The following CPLANE1 variants were observed in gnomAD, a reference collection of about 807,000 sequenced individuals.
The protein encoded by CPLANE1 is ciliogenesis and planar polarity effector complex subunit 1.
A neutral mutation model predicts 362.5 loss-of-function variants in CPLANE1; 263 were observed. That is an observed-to-expected ratio of 0.73 (90% CI 0.66 to 0.80). The LOEUF (loss-of-function observed/expected upper bound fraction) is 0.80, where lower values mean the gene tolerates loss of function less well. CPLANE1 is among the 30% of genes least tolerant of loss of function. CPLANE1 has a pLI of 0.00. For missense variants in CPLANE1, 3,461 were observed against 3,793.4 expected, an observed-to-expected ratio of 0.91 and a Z score of 2.30; for synonymous variants, 1,212 against 1,302.6, an observed-to-expected ratio of 0.93 and a Z score of 1.50.
intron 34 of CPLANE1, among the ~76,000 whole-genome samples, chr5:37,168,380 T>A (rs1405924667): frequency 2.6e-5 from 4 of 152,220 alleles, no homozygotes; most frequent in Non-Finnish European, 4.4e-5. Flanking sequence ...TTTTTGAGTG[T>A]TTAAATCTGA....
At chr5:37,172,939 G>A (rs555738963) in intron 32 of CPLANE1, among the ~76,000 whole-genome samples, 76 of 152,228 alleles carry the variant, frequency 5.0e-4, no homozygotes, top group African/African-American at 1.7e-3. Context: ...AGCCGAGATC[G>A]CGCCACTGCA....
At chr5:37,154,553 A>C (rs1185889975) in intron 41 of CPLANE1, among the ~76,000 whole-genome samples, 2 of 143,858 alleles carry the variant, frequency 1.4e-5, no homozygotes, top group African/African-American at 2.6e-5. Context: ...CTCCCACCTC[A>C]GTCTCCCAAA....
rs1470747645 is a variant in CPLANE1, at chr5:37,111,339, TG to T, written c.9401-2869del. ...CGGGGTTTCACGGTGTTAGCCAGGA[TG>T]GTCTTGATCTCCTGACCTCATGATC... is the stretch of plus-strand genomic sequence containing the variant. On this transcript the variant is annotated intron_variant, in intron 51 of 52. Transcript: ENST00000651892. Among the ~76,000 whole-genome samples the T allele has an allele frequency of 4.6e-5, 7 of 151,724 alleles. No individual in the cohort carries two copies. The East Asian group carries it at 1.4e-3, about 29-fold the overall frequency.
chr5:37,099,269 C>T, the CPLANE1 span, among the ~76,000 whole-genome samples: 1 of 152,156 alleles, frequency 6.6e-6, no homozygotes, highest in African/African-American at 2.4e-5. Flanking sequence ...GTTATTCTTC[C>T]TGATGCTTTC....
Position 37,195,857 on chromosome 5 carries a change from C to T in CPLANE1, c.3811+1G>A. 2 of 1,604,604 alleles carry T rather than the reference C, an allele frequency of 1.2e-6. No homozygotes were observed. The highest frequency in any genetic ancestry group is 1.7e-6 in the Non-Finnish European group (2 of 1,177,292). On this transcript the variant is annotated splice_donor_variant, in intron 21 of 52. Coordinates refer to ENST00000651892, the MANE Select transcript of CPLANE1 (RefSeq NM_001384732.1). LOFTEE classifies it high-confidence loss of function. ...AAGCAAGCAGTTCATTTTGGACAAA[C>T]CTATTGCTCTAATGGAAACTTCATC... is the stretch of plus-strand genomic sequence containing the variant.
intron 28 of CPLANE1, 30 bp downstream of exon 28, chr5:37,179,987 C>A (rs1554081328): frequency 1.4e-6 from 2 of 1,478,562 alleles, no homozygotes; most frequent in South Asian, 2.8e-5. Flanking sequence ...TTAATAAAGC[C>A]AAAAAAATAG....
intron 16 of CPLANE1, chr5:37,211,284 G>C: frequency 6.6e-7 from 1 of 1,510,366 alleles, no homozygotes; most frequent in Middle Eastern, 1.9e-4. Context: ...GCTTCAGCAA[G>C]AGGCGGAACG....
At chr5:37,091,955 T>A in the CPLANE1 span, among the ~76,000 whole-genome samples, 1 of 152,290 alleles carries the variant, frequency 6.6e-6, no homozygotes, top group Admixed American at 6.5e-5. Context: ...GGAGGCTGAA[T>A]GAATTCTGCT....
chr5:37,085,778 C>T, the CPLANE1 span: 735 of 1,444,776 alleles, frequency 5.1e-4, no homozygotes, highest in Non-Finnish European at 5.3e-4. Context: ...TTCTCTTCCC[C>T]GAGGAAAGGG....
chr5:37,119,559 A>G (rs959826951), intron 50 of CPLANE1, among the ~76,000 whole-genome samples: 4 of 152,162 alleles, frequency 2.6e-5, no homozygotes, highest in African/African-American at 9.7e-5. Context: ...AATCCCAGCT[A>G]TTTGGGAGGC....
At chr5:37,196,729 A>T (rs2151380304) in intron 20 of CPLANE1, among the ~76,000 whole-genome samples, 1 of 152,304 alleles carries the variant, frequency 6.6e-6, no homozygotes, top group Non-Finnish European at 1.5e-5. Context: ...GTTTGAGCCC[A>T]GCCCGGCCAA....
At chr5:37,222,334 T>C (rs1795536502) in intron 14 of CPLANE1, among the ~76,000 whole-genome samples, 1 of 152,222 alleles carries the variant, frequency 6.6e-6, no homozygotes, top group African/African-American at 2.4e-5. Context: ...TTGTCCTATT[T>C]GCTGCCTAGA....
At chr5:37,100,314 A>C in the CPLANE1 span, among the ~76,000 whole-genome samples, 1 of 152,102 alleles carries the variant, frequency 6.6e-6, no homozygotes, top group South Asian at 2.1e-4. Context: ...TCCAGTTTCA[A>C]CTTTCTGCAT....
chr5:37,189,999 C>CAA (rs554351876), intron 21 of CPLANE1, among the ~76,000 whole-genome samples: 218 of 134,568 alleles, frequency 1.6e-3, no homozygotes, highest in African/African-American at 5.8e-3. Context: ...GATTTTGTCT[C>CAA]AAAAAAAAAA....
chr5:37,094,629 A>G, the CPLANE1 span, among the ~76,000 whole-genome samples: 1 of 152,228 alleles, frequency 6.6e-6, no homozygotes, highest in Non-Finnish European at 1.5e-5. Context: ...AACACAAATG[A>G]TAAATGAAAC....
chr5:37,230,929 AAATGTAATTAATGTT>A lies in CPLANE1; in HGVS notation c.1044_1058del (p.Thr349_Phe353del). On this transcript the variant is annotated inframe_deletion, in exon 9 of 53. Transcript: ENST00000651892. The stretch of plus-strand genomic sequence containing the variant: ...CTGGGCCAAATTCTATAGAGCAACC[AAATGTAATTAATGTT>A]AGCAATTCACCTTGGCAGGTCAATA... 1 of 1,550,352 alleles carries A rather than the reference AAATGTAATTAATGTT, an allele frequency of 6.5e-7. No homozygotes were observed. The highest frequency in any genetic ancestry group is 8.7e-7 in the Non-Finnish European group (1 of 1,146,336).
Position 37,245,849 on chromosome 5 carries a change from AGAG to A in CPLANE1, c.82-7_82-5del, listed in dbSNP as rs1388838249. On this transcript the variant is annotated splice_region_variant and splice_polypyrimidine_tract_variant and intron_variant, in intron 2 of 52. Coordinates refer to ENST00000651892, the MANE Select transcript of CPLANE1 (RefSeq NM_001384732.1). ...AAAGAAAAACGGCTTCTTTTTCCTA[AGAG>A]AAGAAACATGTGAAGGACTCAAGAG... 51 of 1,512,690 alleles carry A rather than the reference AGAG, an allele frequency of 3.4e-5. No individual in the cohort carries two copies. Among genetic ancestry groups the A allele is most frequent in the Non-Finnish European group, 4.1e-5 (46 of 1,133,792 alleles). 93.7% of individuals were successfully genotyped at this position (1,512,690 alleles called of 1,614,324 possible).
At chr5:37,112,806 C>G (rs990904255) in intron 51 of CPLANE1, among the ~76,000 whole-genome samples, 1 of 152,210 alleles carries the variant, frequency 6.6e-6, no homozygotes, top group Admixed American at 6.5e-5. Flanking sequence ...ACATTTCTAA[C>G]TTTCAGAGGC....
Position 37,205,426 on chromosome 5 carries a change from G to T in CPLANE1, c.3178C>A (p.Leu1060Ile). ...AAAATCTGTGCTGGAGTCATACGGA[G>T]TGGTAGATTCAGACTCTTTTTCTTG... is the stretch of plus-strand genomic sequence containing the variant. ...RSKKKSLNLP[L>I]RMTPAQIFQE... The change falls in exon 18 of 53, where the codon CTC (leucine) becomes ATC (isoleucine). Residue 1060 changes from leucine to isoleucine, a missense_variant. By Grantham distance (5) the Leu-to-Ile change is conservative. Around this residue, in one of 2 missense-constraint regions of CPLANE1, gnomAD observed 3,380 missense variants for 3,666.1 expected, o/e 0.92. Transcript: ENST00000651892. 6.5e-7 allele frequency: 1 copy of T among 1,546,908 alleles called. No homozygotes were observed. The highest frequency in any genetic ancestry group is 8.7e-7 in the Non-Finnish European group (1 of 1,144,784).
Sources: gnomAD v4.1 joint callset for allele counts (sites outside exome capture counted in the v4.1 genomes callset) on GRCh38, gnomAD v4.1.1 for gene constraint, gnomAD v4.1.1 regional missense constraint, MANE v1.5 for transcripts, NCBI Gene and HGNC (gene_info 2026-07-23, HGNC 2026-07-21) for gene names.